The following TMEM132C variants were observed in gnomAD, a reference collection of about 807,000 sequenced individuals.
TMEM132C encodes transmembrane protein 132C.
In TMEM132C, 29 loss-of-function variants were observed where a neutral mutation model predicts 61.4. The observed-to-expected ratio is 0.47, with a 90% CI of 0.35 to 0.64. The LOEUF is 0.64. TMEM132C is among the 30% of genes least tolerant of loss of function. The probability of loss-of-function intolerance (pLI) is 0.00; values close to 1 mark genes in which losing one functional copy is unlikely to be tolerated. For missense variants in TMEM132C, 1,408 were observed against 1,476.9 expected, an observed-to-expected ratio of 0.95 and a Z score of 0.76; for synonymous variants, 656 against 633.1, an observed-to-expected ratio of 1.04 and a Z score of -0.54.
At chr12:128,612,952 G>A (rs2135581673) in intron 3 of TMEM132C, among the ~76,000 whole-genome samples, 2 of 152,206 alleles carry the variant, frequency 1.3e-5, no homozygotes, top group East Asian at 3.9e-4. Context: ...TGCACAATGG[G>A]AATGTCATTA....
chr12:128,534,993 A>G (rs573654971), intron 2 of TMEM132C, among the ~76,000 whole-genome samples: 5 of 152,354 alleles, frequency 3.3e-5, no homozygotes, highest in South Asian at 2.1e-4. Flanking sequence ...GCCAAGTCAC[A>G]TTGCAAGAGG....
chr12:128,604,434 TAGATAGA>T (rs1376178323), intron 3 of TMEM132C, among the ~76,000 whole-genome samples: 1 of 149,396 alleles, frequency 6.7e-6, no homozygotes, highest in African/African-American at 2.5e-5. Context: ...GATAGATAGA[TAGATAGA>T]TAGATAGATA....
At chr12:128,526,564 C>T (rs764377367) in intron 2 of TMEM132C, among the ~76,000 whole-genome samples, 15 of 152,098 alleles carry the variant, frequency 9.9e-5, no homozygotes, top group African/African-American at 1.9e-4. Flanking sequence ...AGCATCCTTC[C>T]GCAGATGAAG....
chr12:128,413,370 G>T (rs12303781), intron 1 of TMEM132C, among the ~76,000 whole-genome samples: 1 of 148,078 alleles, frequency 6.8e-6, no homozygotes. Flanking sequence ...CTGATTGCCA[G>T]AGGTGTATCT....
intron 4 of TMEM132C, among the ~76,000 whole-genome samples, chr12:128,654,254 G>C (rs139732333): frequency 6.6e-6 from 1 of 152,100 alleles, no homozygotes. Flanking sequence ...ATAGAGCCAC[G>C]GGGAGAGCGT....
At chr12:128,610,843 A>G (rs1876608878) in intron 3 of TMEM132C, among the ~76,000 whole-genome samples, 1 of 152,178 alleles carries the variant, frequency 6.6e-6, no homozygotes, top group Non-Finnish European at 1.5e-5. Context: ...TGCACTGTAT[A>G]CAAATCTTAA....
intron 4 of TMEM132C, among the ~76,000 whole-genome samples, chr12:128,619,635 C>T (rs1304072674): frequency 2.0e-5 from 3 of 152,230 alleles, no homozygotes; most frequent in Non-Finnish European, 2.9e-5. Flanking sequence ...CCTGCCAGCA[C>T]CCACCTCTCC....
chr12:128,479,690 G>A (rs971728772), intron 2 of TMEM132C, among the ~76,000 whole-genome samples: 12 of 152,310 alleles, frequency 7.9e-5, no homozygotes, highest in African/African-American at 2.9e-4. Context: ...GCGCTTTAGA[G>A]GAGTTGTCTG....
chr12:128,682,280 C>T (rs556257103), intron 5 of TMEM132C, among the ~76,000 whole-genome samples: 61 of 152,138 alleles, frequency 4.0e-4, no homozygotes, highest in Non-Finnish European at 6.9e-4. Context: ...AGTGGGGGCT[C>T]CTCTCCTCCA....
chr12:128,623,491 T>C (rs565042566), intron 4 of TMEM132C, among the ~76,000 whole-genome samples: 10 of 151,614 alleles, frequency 6.6e-5, no homozygotes, highest in African/African-American at 1.7e-4. Context: ...AAAGCTATGT[T>C]CTAATTTTAA....
intron 1 of TMEM132C, among the ~76,000 whole-genome samples, chr12:128,376,150 G>A (rs779947159): frequency 8.5e-5 from 13 of 152,202 alleles, no homozygotes; most frequent in Non-Finnish European, 1.6e-4. Context: ...CACTAAGAAT[G>A]TTTGAAATCA....
intron 1 of TMEM132C, among the ~76,000 whole-genome samples, chr12:128,282,538 TA>T (rs1290507226): frequency 1.3e-5 from 2 of 152,200 alleles, no homozygotes; most frequent in South Asian, 2.1e-4. Context: ...AGAAAGCCAC[TA>T]CCCCCCTCCT....
At chr12:128,573,718 T>A (rs1294610914) in intron 3 of TMEM132C, among the ~76,000 whole-genome samples, 1 of 151,772 alleles carries the variant, frequency 6.6e-6, no homozygotes, top group African/African-American at 2.4e-5. Context: ...ATTGGGGAAT[T>A]AATGTTCAAT....
chr12:128,577,637 T>C lies in TMEM132C; in HGVS notation c.1121+33534T>C, dbSNP rs1328355305. On this transcript the variant is annotated intron_variant, in intron 3 of 8. Coordinates refer to ENST00000435159, the MANE Select transcript of TMEM132C (RefSeq NM_001136103.3). ...ACTGTGCCTCTCGCCACCGGTGCAC[T>C]CTGCTTTTATTAACTCAGCTCTCCG... 5.3e-5 allele frequency among the ~76,000 whole-genome samples: 8 copies of C among 152,372 alleles called. No individual in the cohort carries two copies. In the East Asian group the frequency reaches 1.5e-3, roughly 29 times the overall value.
chr12:128,320,149 T>C (rs1238385741), intron 1 of TMEM132C, among the ~76,000 whole-genome samples: 1 of 152,224 alleles, frequency 6.6e-6, no homozygotes, highest in Non-Finnish European at 1.5e-5. Context: ...TTTCTAAGTA[T>C]ATTTTTCTCG....
chr12:128,460,884 A>AT (rs1870510269), intron 2 of TMEM132C, among the ~76,000 whole-genome samples: 2 of 152,100 alleles, frequency 1.3e-5, no homozygotes, highest in South Asian at 4.2e-4. Context: ...CCTTACCAAG[A>AT]AAAAAAGGCA....
intron 2 of TMEM132C, among the ~76,000 whole-genome samples, chr12:128,472,760 G>A (rs1221679727): frequency 6.6e-6 from 1 of 152,184 alleles, no homozygotes; most frequent in East Asian, 1.9e-4. Flanking sequence ...TTGAGAGCAG[G>A]TGTGCAGGCT....
intron 1 of TMEM132C, among the ~76,000 whole-genome samples, chr12:128,362,961 A>G (rs933354589): frequency 1.3e-5 from 2 of 152,242 alleles, no homozygotes; most frequent in Non-Finnish European, 2.9e-5. Flanking sequence ...GAAAATAAAA[A>G]GAGCATGAAT....
chr12:128,313,476 G>A (rs1221105064), intron 1 of TMEM132C, among the ~76,000 whole-genome samples: 2 of 152,170 alleles, frequency 1.3e-5, no homozygotes, highest in Non-Finnish European at 2.9e-5. Flanking sequence ...TTTCCCAAAG[G>A]CGAGAATTAT....
Sources: gnomAD v4.1 joint callset for allele counts (sites outside exome capture counted in the v4.1 genomes callset) on GRCh38, gnomAD v4.1.1 for gene constraint, MANE v1.5 for transcripts, NCBI Gene and HGNC (gene_info 2026-07-23, HGNC 2026-07-21) for gene names.